The following SLC35F3 variants were observed in gnomAD, a reference collection of about 807,000 sequenced individuals.
The protein encoded by SLC35F3 is putative thiamine transporter SLC35F3.
In SLC35F3, 25 loss-of-function variants were observed where a neutral mutation model predicts 49.9. The observed-to-expected ratio is 0.50, with a 90% CI of 0.37 to 0.70. SLC35F3 has a LOEUF of 0.70. SLC35F3 is among the 30% of genes least tolerant of loss of function. The pLI is 0.00. For missense variants in SLC35F3, 525 were observed against 639.8 expected (o/e 0.82, Z 1.94); for synonymous variants, 275 against 265.4 (o/e 1.04, Z -0.35).
At chr1:234,086,572 T>C (rs1390634880) in intron 2 of SLC35F3, among the ~76,000 whole-genome samples, 1 of 152,240 alleles carries the variant, frequency 6.6e-6, no homozygotes, top group East Asian at 1.9e-4. Flanking sequence ...TCCTACAAAA[T>C]CCTTCACATA....
intron 2 of SLC35F3, among the ~76,000 whole-genome samples, chr1:233,959,729 G>A (rs1281501890): frequency 6.6e-6 from 1 of 152,178 alleles, no homozygotes; most frequent in Non-Finnish European, 1.5e-5. Context: ...ACCCAAGAAG[G>A]TTAAGTGCCT....
intron 4 of SLC35F3, among the ~76,000 whole-genome samples, chr1:234,315,151 C>T (rs1176485607): frequency 2.0e-5 from 3 of 152,278 alleles, no homozygotes; most frequent in Admixed American, 6.5e-5. Context: ...AGAAAGAACA[C>T]GCAGACAGAT....
chr1:234,136,809 A>C (rs552897262), intron 2 of SLC35F3, among the ~76,000 whole-genome samples: 1 of 152,374 alleles, frequency 6.6e-6, no homozygotes, highest in African/African-American at 2.4e-5. Context: ...GTGTGTGCAC[A>C]GCTTAGGCTC....
chr1:233,953,793 A>G (rs1186048012), intron 2 of SLC35F3, among the ~76,000 whole-genome samples: 33 of 152,144 alleles, frequency 2.2e-4, no homozygotes, highest in Admixed American at 2.2e-3. Flanking sequence ...ATGGGAGGGG[A>G]AAAAAGACCT....
intron 2 of SLC35F3, among the ~76,000 whole-genome samples, chr1:234,196,463 A>C (rs906158624): frequency 1.3e-5 from 2 of 152,190 alleles, no homozygotes; most frequent in African/African-American, 4.8e-5. Context: ...TCACCCTTGA[A>C]TTCTTCCCTG....
intron 2 of SLC35F3, among the ~76,000 whole-genome samples, chr1:234,229,273 G>A (rs1266505861): frequency 1.3e-5 from 2 of 152,134 alleles, no homozygotes; most frequent in African/African-American, 2.4e-5. Context: ...TTTGGAAAAC[G>A]TTCTATTTAT....
chr1:234,200,334 T>A (rs571211598), intron 2 of SLC35F3, among the ~76,000 whole-genome samples: 147 of 152,320 alleles, frequency 9.7e-4, no homozygotes, highest in South Asian at 8.1e-3. Flanking sequence ...TCTTTTTATT[T>A]TTGAGTTATA....
At chr1:233,951,790 G>A (rs1337317868) in intron 2 of SLC35F3, among the ~76,000 whole-genome samples, 2 of 151,960 alleles carry the variant, frequency 1.3e-5, no homozygotes, top group African/African-American at 4.8e-5. Flanking sequence ...TGTTGCCCAG[G>A]CTGATTCCTG....
intron 2 of SLC35F3, among the ~76,000 whole-genome samples, chr1:233,970,255 A>G (rs1343101954): frequency 6.6e-6 from 1 of 152,150 alleles, no homozygotes; most frequent in African/African-American, 2.4e-5. Context: ...GTCTTGGGAA[A>G]GGGAACAGTG....
chr1:234,094,851 A>G (rs974554741), intron 2 of SLC35F3, among the ~76,000 whole-genome samples: 1 of 152,206 alleles, frequency 6.6e-6, no homozygotes, highest in Non-Finnish European at 1.5e-5. Flanking sequence ...TCAATGGTTC[A>G]GTCTGCCTAT....
chr1:234,257,811 A>G lies in SLC35F3; in HGVS notation c.608+26070A>G, dbSNP rs189676655. ...TATTGAGATTTAAAAACATATTGACAAGGTTGAAATGATCAGCCTAAGCCA... is the reference window on the plus strand; with the variant it reads ...TATTGAGATTTAAAAACATATTGACGAGGTTGAAATGATCAGCCTAAGCCA... On this transcript the variant is annotated intron_variant, in intron 3 of 7. Transcript: ENST00000366618. Among the ~76,000 whole-genome samples the G allele has an allele frequency of 1.2e-4, 19 of 152,338 alleles. No individual in the cohort carries two copies. In the East Asian group the frequency reaches 1.5e-3, roughly 12 times the overall value.
intron 3 of SLC35F3, among the ~76,000 whole-genome samples, chr1:234,250,549 G>C (rs1667721012): frequency 6.6e-6 from 1 of 150,830 alleles, no homozygotes; most frequent in Admixed American, 6.6e-5. Flanking sequence ...AGCTACTTGG[G>C]AGGCTGAGGC....
chr1:233,910,034 C>T (rs1437198235), intron 2 of SLC35F3, among the ~76,000 whole-genome samples: 1 of 152,214 alleles, frequency 6.6e-6, no homozygotes. Flanking sequence ...TTTGAAAGAG[C>T]CTGTTCCTTC....
chr1:234,201,922 A>G (rs1354090525), intron 2 of SLC35F3, among the ~76,000 whole-genome samples: 1 of 152,084 alleles, frequency 6.6e-6, no homozygotes, highest in African/African-American at 2.4e-5. Context: ...CAAAAAAAAA[A>G]AAAAAAAAAG....
At chr1:234,257,285 G>T (rs906110798) in intron 3 of SLC35F3, among the ~76,000 whole-genome samples, 3 of 152,088 alleles carry the variant, frequency 2.0e-5, no homozygotes, top group Admixed American at 6.5e-5. Flanking sequence ...TAATATTCAA[G>T]TCATTCTCTT....
intron 2 of SLC35F3, among the ~76,000 whole-genome samples, chr1:233,951,915 T>C (rs1052100196): frequency 1.6e-4 from 24 of 151,714 alleles, no homozygotes; most frequent in Admixed American, 9.8e-4. Flanking sequence ...AATATTTACT[T>C]TGTTCATTAT....
intron 2 of SLC35F3, among the ~76,000 whole-genome samples, chr1:234,173,470 G>A (rs1161735418): frequency 6.6e-6 from 1 of 152,174 alleles, no homozygotes; most frequent in Non-Finnish European, 1.5e-5. Flanking sequence ...CAGGGTCTTT[G>A]TCCTTCAACC....
chr1:233,955,879 T>C (rs921902543), intron 2 of SLC35F3, among the ~76,000 whole-genome samples: 1,802 of 70,456 alleles, frequency 0.026, 47 homozygotes, highest in Non-Finnish European at 0.033. Flanking sequence ...TGTGGGTATC[T>C]TTTTTTTTTT....
At chr1:234,263,193 C>G (rs966646661) in intron 3 of SLC35F3, among the ~76,000 whole-genome samples, 1 of 152,102 alleles carries the variant, frequency 6.6e-6, no homozygotes, top group African/African-American at 2.4e-5. Context: ...GAGAGACTAA[C>G]AGAAGCATGA....
Sources: allele counts gnomAD v4.1 joint callset (sites outside exome capture counted in the v4.1 genomes callset), GRCh38; gene constraint gnomAD v4.1.1; transcripts MANE v1.5; gene names NCBI Gene and HGNC (gene_info 2026-07-23, HGNC 2026-07-21).